Variants in TMEM150C observed in about 807,000 individuals in gnomAD.
TMEM150C encodes tentonin 3.
Under a neutral mutation model 29.9 loss-of-function variants are expected in TMEM150C, and 10 were observed. The ratio of observed to expected loss-of-function variants is 0.33; its 90% CI spans 0.21 to 0.57. The LOEUF (loss-of-function observed/expected upper bound fraction) is 0.57. TMEM150C is among the 20% of genes least tolerant of loss of function. The pLI, the probability that TMEM150C is intolerant of heterozygous loss-of-function variation, is 0.88. For synonymous variants in TMEM150C, 101 were observed against 112.5 expected, an observed-to-expected ratio of 0.90 and a Z score of 0.64; for missense variants, 251 against 303.6, an observed-to-expected ratio of 0.83 and a Z score of 1.29.
rs147389256 is a variant in TMEM150C at position 82,523,829 on chromosome 4, C to T, written c.-10-19162G>A. ...AGTAGTTGGGATTATAGGCGCCTGC[C>T]GCCACACCTGGCTAATTTTTGTATT... On this transcript the variant is annotated intron_variant, in intron 1 of 7. Coordinates refer to ENST00000449862, the MANE Select transcript of TMEM150C (RefSeq NM_001080506.3). Among the ~76,000 whole-genome samples the T allele has an allele frequency of 3.8e-4, 57 of 151,882 alleles. 1 individual carries two copies. The East Asian group carries it at 0.011, about 29-fold the overall frequency.
intron 1 of TMEM150C, among the ~76,000 whole-genome samples, chr4:82,530,977 T>A (rs1335471242): frequency 6.6e-6 from 1 of 152,026 alleles, no homozygotes. Flanking sequence ...TGCTAAACCA[T>A]TAGAAACAAC....
chr4:82,546,420 T>G (rs554631926), intron 1 of TMEM150C, among the ~76,000 whole-genome samples: 12 of 152,306 alleles, frequency 7.9e-5, no homozygotes, highest in Admixed American at 3.3e-4. Flanking sequence ...ACAGAATTAA[T>G]GCCACACACC....
chr4:82,526,631 A>G (rs941581837), intron 1 of TMEM150C, among the ~76,000 whole-genome samples: 2 of 152,180 alleles, frequency 1.3e-5, no homozygotes, highest in Non-Finnish European at 2.9e-5. Context: ...TATCTTGCTC[A>G]GGGTCACACA....
chr4:82,556,179 T>C (rs763321885), intron 1 of TMEM150C, among the ~76,000 whole-genome samples: 3 of 151,944 alleles, frequency 2.0e-5, no homozygotes, highest in African/African-American at 4.8e-5. Flanking sequence ...GGTTTTGCCA[T>C]GTTGGCCAGG....
Sources: allele counts gnomAD v4.1 joint callset (sites outside exome capture counted in the v4.1 genomes callset), GRCh38; gene constraint gnomAD v4.1.1; transcripts MANE v1.5; gene names NCBI Gene and HGNC (gene_info 2026-07-23, HGNC 2026-07-21).